The following XKR9 variants were observed in gnomAD, a reference collection of about 807,000 sequenced individuals.
XKR9 encodes XK-related protein 9.
XKR9 carries 32 observed loss-of-function variants against 32.0 expected under a neutral mutation model. The observed-to-expected ratio is 1.00, with a 90% confidence interval of 0.76 to 1.34. The LOEUF is 1.34. XKR9 is among the 40% of genes most tolerant of loss of function. The pLI, the probability that XKR9 is intolerant of heterozygous loss-of-function variation, is 0.00. For synonymous variants in XKR9, 168 were observed against 143.4 expected (o/e 1.17, Z -1.22); for missense variants, 546 against 429.7 (o/e 1.27, Z -2.39).
intron 4 of XKR9, among the ~76,000 whole-genome samples, chr8:70,724,137 T>G (rs1242762621): frequency 6.6e-6 from 1 of 151,986 alleles, no homozygotes; most frequent in African/African-American, 2.4e-5. Flanking sequence ...TGCTGTGCTG[T>G]GGTGAGTTCT....
At chr8:70,908,546 G>A in the XKR9 span, among the ~76,000 whole-genome samples, 2 of 152,160 alleles carry the variant, frequency 1.3e-5, no homozygotes, top group African/African-American at 4.8e-5. Context: ...ATCAGGAGTT[G>A]GCAACTTTTC....
At chr8:70,738,130 A>G (rs904086316), downstream of XKR9, among the ~76,000 whole-genome samples, 7 of 130,152 alleles carry the variant, frequency 5.4e-5, no homozygotes, top group Non-Finnish European at 8.9e-5. Flanking sequence ...GCTATTGATT[A>G]TTGCCACAAT....
the XKR9 span, among the ~76,000 whole-genome samples, chr8:70,993,406 C>G: frequency 6.6e-6 from 1 of 152,152 alleles, no homozygotes; most frequent in Non-Finnish European, 1.5e-5. Context: ...CTTAATGGCT[C>G]TTGTTAAGCC....
the XKR9 span, among the ~76,000 whole-genome samples, chr8:71,054,272 A>G: frequency 1.3e-5 from 2 of 152,206 alleles, no homozygotes; most frequent in Non-Finnish European, 2.9e-5. Context: ...ATGGATCACA[A>G]TTACAATTTC....
At chr8:70,960,711 T>C in the XKR9 span, among the ~76,000 whole-genome samples, 2 of 148,904 alleles carry the variant, frequency 1.3e-5, no homozygotes, top group African/African-American at 4.9e-5. Flanking sequence ...CTACAAAAAA[T>C]AGAAAAAAAA....
At chr8:70,912,396 G>A in the XKR9 span, among the ~76,000 whole-genome samples, 2 of 152,086 alleles carry the variant, frequency 1.3e-5, no homozygotes, top group Non-Finnish European at 2.9e-5. Context: ...GAATGAAGAG[G>A]AGGGGGCAGA....
At chr8:70,709,811 A>T (rs1159821639) in intron 4 of XKR9, among the ~76,000 whole-genome samples, 1 of 152,242 alleles carries the variant, frequency 6.6e-6, no homozygotes, top group Non-Finnish European at 1.5e-5. Flanking sequence ...TGACACAAAC[A>T]AATGGAAAAA....
chr8:70,890,476 C>G, the XKR9 span, among the ~76,000 whole-genome samples: 1 of 151,842 alleles, frequency 6.6e-6, no homozygotes, highest in Non-Finnish European at 1.5e-5. Context: ...TGCTGAGATA[C>G]ACTCCTCCTA....
the XKR9 span, among the ~76,000 whole-genome samples, chr8:70,916,389 G>A: frequency 6.6e-6 from 1 of 152,162 alleles, no homozygotes; most frequent in Non-Finnish European, 1.5e-5. Flanking sequence ...TTGCACTACA[G>A]TGCCATCTTT....
chr8:70,866,568 T>A, the XKR9 span, among the ~76,000 whole-genome samples: 1 of 152,084 alleles, frequency 6.6e-6, no homozygotes, highest in South Asian at 2.1e-4. Context: ...TTGGTAGGAG[T>A]ATTTCTTGTT....
intron 2 of XKR9, among the ~76,000 whole-genome samples, chr8:70,765,151 C>T: frequency 6.6e-6 from 1 of 152,244 alleles, no homozygotes; most frequent in South Asian, 2.1e-4. Context: ...GGTTCTAGAT[C>T]CTTGAAGAAT....
chr8:71,027,225 T>C, the XKR9 span, among the ~76,000 whole-genome samples: 1 of 151,838 alleles, frequency 6.6e-6, no homozygotes, highest in Non-Finnish European at 1.5e-5. Flanking sequence ...AGAGAGTCCA[T>C]TTTATGAATT....
chr8:70,907,404 G>A, the XKR9 span, among the ~76,000 whole-genome samples: 1 of 152,146 alleles, frequency 6.6e-6, no homozygotes, highest in Non-Finnish European at 1.5e-5. Context: ...ACTCAGTCAT[G>A]CTTTTATGAC....
intron 4 of XKR9, among the ~76,000 whole-genome samples, chr8:70,732,869 G>C (rs569374400): frequency 1.3e-5 from 2 of 152,226 alleles, no homozygotes; most frequent in East Asian, 3.9e-4. Context: ...TGTAATCCTA[G>C]CCCTTTGGGA....
chr8:70,690,864 G>A (rs1177573459), intron 3 of XKR9, among the ~76,000 whole-genome samples: 3 of 152,046 alleles, frequency 2.0e-5, no homozygotes, highest in African/African-American at 7.2e-5. Flanking sequence ...CTTTGCTATT[G>A]TGAACAGTGC....
At chr8:71,004,590 T>C in the XKR9 span, among the ~76,000 whole-genome samples, 2 of 152,200 alleles carry the variant, frequency 1.3e-5, no homozygotes, top group Non-Finnish European at 2.9e-5. Flanking sequence ...GAGAATCTTA[T>C]CTCTGTGATG....
intron 4 of XKR9, among the ~76,000 whole-genome samples, chr8:70,712,240 G>C (rs1388285102): frequency 6.6e-6 from 1 of 151,938 alleles, no homozygotes; most frequent in African/African-American, 2.4e-5. Context: ...CCACTGAGAG[G>C]CTAAGTTATT....
chr8:70,699,515 C>G lies in XKR9; in HGVS notation c.273-7418C>G, dbSNP rs190434668. Among the ~76,000 whole-genome samples the G allele has an allele frequency of 7.0e-3, 1,072 of 152,290 alleles. 6 individuals carry two copies. The highest frequency in any genetic ancestry group is 0.01 in the Non-Finnish European group (688 of 68,022). On this transcript the variant is annotated intron_variant, in intron 3 of 4. Coordinates refer to ENST00000408926, the MANE Select transcript of XKR9 (RefSeq NM_001011720.2). Reference sequence around the variant, plus strand: ...TCAGAATGTTGAATATTGGCCCCCACTCTCTTCTGGCTTGTAGCGTTTCTG... The same window carrying G: ...TCAGAATGTTGAATATTGGCCCCCAGTCTCTTCTGGCTTGTAGCGTTTCTG...
At chr8:70,879,938 G>C in the XKR9 span, among the ~76,000 whole-genome samples, 2 of 152,026 alleles carry the variant, frequency 1.3e-5, no homozygotes, top group Non-Finnish European at 2.9e-5. Flanking sequence ...CGATCGAATC[G>C]GCTTCATCCC....
Sources: allele counts gnomAD v4.1 joint callset (sites outside exome capture counted in the v4.1 genomes callset), GRCh38; gene constraint gnomAD v4.1.1; transcripts MANE v1.5; gene names NCBI Gene and HGNC (gene_info 2026-07-23, HGNC 2026-07-21).